Variants in ZMYND8 observed in about 807,000 individuals in gnomAD.
ZMYND8 encodes the protein zinc finger MYND-type containing 8.
A neutral mutation model predicts 140.8 loss-of-function variants in ZMYND8; 37 were observed. That is an observed-to-expected ratio of 0.26 (90% CI 0.20 to 0.35). The LOEUF (loss-of-function observed/expected upper bound fraction) is 0.35, where lower values mean the gene tolerates loss of function less well. ZMYND8 is among the 10% of genes least tolerant of loss of function. The pLI is 1.00. For synonymous variants in ZMYND8, 592 were observed against 597.1 expected, an observed-to-expected ratio of 0.99 and a Z score of 0.12; for missense variants, 1,068 against 1,570.0, an observed-to-expected ratio of 0.68 and a Z score of 5.40.
At chr20:47,261,203 A>G (rs1338971915) in intron 12 of ZMYND8, among the ~76,000 whole-genome samples, 2 of 152,140 alleles carry the variant, frequency 1.3e-5, no homozygotes, top group East Asian at 1.9e-4. Flanking sequence ...CCTGGGCAAC[A>G]AGAGCGAAAC....
At chr20:47,325,472 A>G (rs2080334180) in intron 2 of ZMYND8, among the ~76,000 whole-genome samples, 1 of 152,162 alleles carries the variant, frequency 6.6e-6, no homozygotes, top group Non-Finnish European at 1.5e-5. Flanking sequence ...CAGTCTAAGA[A>G]TTTCTTCCAG....
intron 3 of ZMYND8, among the ~76,000 whole-genome samples, chr20:47,309,779 A>T (rs1317738055): frequency 6.6e-6 from 1 of 152,106 alleles, no homozygotes. Context: ...AAAAAAAAAA[A>T]ATACAAATAC....
chr20:47,336,494 G>A (rs1304107184), intron 2 of ZMYND8, among the ~76,000 whole-genome samples: 3 of 152,272 alleles, frequency 2.0e-5, no homozygotes, highest in Non-Finnish European at 1.5e-5. Context: ...GGATCAAGAC[G>A]CAAGCAGCCC....
intron 5 of ZMYND8, among the ~76,000 whole-genome samples, chr20:47,293,793 A>T (rs891316566): frequency 6.6e-6 from 1 of 152,096 alleles, no homozygotes; most frequent in Non-Finnish European, 1.5e-5. Context: ...GTCCCCACCC[A>T]ACCTCATCTC....
chr20:47,346,968 TGTGC>T (rs1290516016), intron 2 of ZMYND8, among the ~76,000 whole-genome samples: 2 of 152,198 alleles, frequency 1.3e-5, no homozygotes, highest in African/African-American at 4.8e-5. Flanking sequence ...GGAGTCACTT[TGTGC>T]GACACTCTGC....
At chr20:47,345,196 C>T (rs1163682837) in intron 2 of ZMYND8, among the ~76,000 whole-genome samples, 1 of 152,108 alleles carries the variant, frequency 6.6e-6, no homozygotes, top group African/African-American at 2.4e-5. Context: ...CTCCTTCAGA[C>T]TCCGTGGCCA....
chr20:47,328,918 T>C (rs2080698477), intron 2 of ZMYND8, among the ~76,000 whole-genome samples: 1 of 152,206 alleles, frequency 6.6e-6, no homozygotes, highest in South Asian at 2.1e-4. Context: ...CGGTAAAGCA[T>C]GTTGAAGGCT....
intron 15 of ZMYND8, chr20:47,237,351 T>C (rs1452537969): frequency 6.7e-6 from 1 of 150,088 alleles, no homozygotes; most frequent in Admixed American, 6.7e-5. Flanking sequence ...AGAGATGGGG[T>C]TTCACCATGT....
At chr20:47,308,440 C>T (rs1052131862) in intron 3 of ZMYND8, among the ~76,000 whole-genome samples, 2 of 152,044 alleles carry the variant, frequency 1.3e-5, no homozygotes, top group African/African-American at 4.8e-5. Context: ...AGGCTGGTCT[C>T]GAACTCCTGA....
chr20:47,222,916 C>T (rs2146955509), intron 19 of ZMYND8, among the ~76,000 whole-genome samples: 1 of 152,356 alleles, frequency 6.6e-6, no homozygotes, highest in East Asian at 1.9e-4. Context: ...ATTTACATAT[C>T]ATCTAAGACT....
rs778669863 is a variant in ZMYND8, at chr20:47,246,531, G to A, written c.1775-14C>T. On this transcript the variant is annotated splice_polypyrimidine_tract_variant and intron_variant, in intron 13 of 22. Coordinates refer to ENST00000471951, the MANE Select transcript of ZMYND8 (RefSeq NM_001281775.3). ...TTTCATTTATGCCTAAATTCAAAAA[G>A]AAAACCCAGCATGTGGCGTAGTCAC... The A allele has an allele frequency of 1.3e-6, 2 of 1,554,894 alleles. No individual in the cohort carries two copies. Among genetic ancestry groups the A allele is most frequent in the Non-Finnish European group, 1.7e-6 (2 of 1,155,744 alleles).
intron 12 of ZMYND8, among the ~76,000 whole-genome samples, chr20:47,253,462 A>C (rs758053720): frequency 7.4e-5 from 11 of 147,708 alleles, no homozygotes; most frequent in Non-Finnish European, 1.5e-4. Context: ...ACTTGAACCC[A>C]GGAGGAGGAG....
rs904997162 is a variant in ZMYND8 at position 47,210,759 on chromosome 20, T to C, written c.*2A>G. 2 of 1,614,196 alleles carry C rather than the reference T, an allele frequency of 1.2e-6. No individual in the cohort carries two copies. Among genetic ancestry groups the C allele is most frequent in the Non-Finnish European group, 1.7e-6 (2 of 1,180,032 alleles). ...GTGGGTGGTTTGTGTCCCGATTCAC[T>C]GCTAGTCCCAGAAGGTGTCCAGCCG... On this transcript the variant is annotated 3_prime_UTR_variant, in exon 23 of 23. Coordinates refer to ENST00000471951, the MANE Select transcript of ZMYND8 (RefSeq NM_001281775.3).
chr20:47,303,900 T>C (rs1050603421), intron 3 of ZMYND8, among the ~76,000 whole-genome samples: 1 of 152,202 alleles, frequency 6.6e-6, no homozygotes, highest in African/African-American at 2.4e-5. Flanking sequence ...TGCTCTGTAC[T>C]CTTTTCAGAA....
chr20:47,219,120 C>G (rs1486133670), intron 21 of ZMYND8, among the ~76,000 whole-genome samples: 2 of 144,630 alleles, frequency 1.4e-5, no homozygotes, highest in Non-Finnish European at 3.0e-5. Context: ...CGCAGTGGCA[C>G]GATCTCGACT....
At chr20:47,265,659 T>C (rs1180994495) in intron 11 of ZMYND8, among the ~76,000 whole-genome samples, 4 of 152,184 alleles carry the variant, frequency 2.6e-5, no homozygotes, top group African/African-American at 9.6e-5. Flanking sequence ...GCCAGGCTGA[T>C]CTCGAACTCC....
intron 3 of ZMYND8, among the ~76,000 whole-genome samples, chr20:47,305,043 G>A (rs1039601506): frequency 4.0e-5 from 6 of 151,802 alleles, no homozygotes; most frequent in African/African-American, 9.7e-5. Context: ...AGGAGTCCGC[G>A]ACCAGCCTGG....
chr20:47,340,551 T>C (rs1301010684), intron 2 of ZMYND8, among the ~76,000 whole-genome samples: 1 of 151,484 alleles, frequency 6.6e-6, no homozygotes, highest in Non-Finnish European at 1.5e-5. Context: ...CCCACCACTT[T>C]GGGAGGCTGA....
intron 12 of ZMYND8, among the ~76,000 whole-genome samples, chr20:47,254,970 C>T (rs1180985832): frequency 2.0e-5 from 3 of 152,038 alleles, no homozygotes; most frequent in African/African-American, 7.3e-5. Context: ...CTACTAAAAC[C>T]CCATCTCTAC....
Sources: gnomAD v4.1 joint callset for allele counts (sites outside exome capture counted in the v4.1 genomes callset) on GRCh38, gnomAD v4.1.1 for gene constraint, MANE v1.5 for transcripts, NCBI Gene and HGNC (gene_info 2026-07-23, HGNC 2026-07-21) for gene names.